DPY19L2: variants seen among roughly 807,000 people sequenced by gnomAD.
DPY19L2 encodes the protein probable C-mannosyltransferase DPY19L2.
A neutral mutation model predicts 97.9 loss-of-function variants in DPY19L2; 34 were observed. That is an observed-to-expected ratio of 0.35 (90% confidence interval 0.26 to 0.46). The LOEUF (loss-of-function observed/expected upper bound fraction) is 0.46. DPY19L2 is among the 20% of genes least tolerant of loss of function. The pLI is 1.00. For missense variants in DPY19L2, 623 were observed against 911.4 expected (o/e 0.68, Z 4.07); for synonymous variants, 230 against 307.9 (o/e 0.75, Z 2.65).
At chr12:63,581,300 C>T (rs913531888) in intron 18 of DPY19L2, among the ~76,000 whole-genome samples, 1 of 151,928 alleles carries the variant, frequency 6.6e-6, no homozygotes, top group African/African-American at 2.4e-5. Flanking sequence ...TGTAGAAGTA[C>T]CTTAGGCCCA....
intron 13 of DPY19L2, 60 bp downstream of exon 13, chr12:63,600,246 A>C (rs1052939160): frequency 7.1e-7 from 1 of 1,404,732 alleles, no homozygotes. Context: ...GATGGTTTCA[A>C]AGTTTTCATT....
intron 15 of DPY19L2, among the ~76,000 whole-genome samples, chr12:63,594,485 G>GTGTGTGTGTGTGTGTC (rs1883784455): frequency 1.4e-5 from 2 of 147,028 alleles, no homozygotes; most frequent in Admixed American, 1.3e-4. Flanking sequence ...GTGTGTGTGT[G>GTGTGTGTGTGTGTGTC]TGTGTGTATG....
At chr12:63,627,810 A>G in intron 6 of DPY19L2, among the ~76,000 whole-genome samples, 1 of 152,272 alleles carries the variant, frequency 6.6e-6, no homozygotes, top group African/African-American at 2.4e-5. Context: ...GGACAGGGAC[A>G]GGTTCTTTAT....
At chr12:63,589,356 G>GAAAAAAAAAAAAAAAAAAAAAA (rs1882429606) in intron 16 of DPY19L2, among the ~76,000 whole-genome samples, 1 of 6,234 alleles carries the variant, frequency 1.6e-4, no homozygotes, top group Non-Finnish European at 3.2e-4. Context: ...AAAATGTGTT[G>GAAAAAAAAAAAAAAAAAAAAAA]CAAAAAAAAA....
intron 16 of DPY19L2, among the ~76,000 whole-genome samples, chr12:63,592,226 T>C (rs935424321): frequency 6.6e-6 from 1 of 151,682 alleles, no homozygotes; most frequent in East Asian, 1.9e-4. Context: ...GGGTAATTTA[T>C]AGATTCAATG....
In DPY19L2 at chr12:63,597,791, A is replaced by G. The variant is rs765003615; in HGVS notation, c.1461+18T>C. On this transcript the variant is annotated intron_variant, in intron 14 of 21. Transcript: ENST00000324472. The stretch of plus-strand genomic sequence containing the variant: ...AAAAACTCATATTAGTAGAGAAGGA[A>G]AAAAGAAACATTCATACCGCTTTTT... 6.3e-7 allele frequency: 1 copy of G among 1,595,508 alleles called. No individual in the cohort carries two copies. Among genetic ancestry groups the G allele is most frequent in the Non-Finnish European group, 8.6e-7 (1 of 1,169,058 alleles).
chr12:63,610,054 A>G (rs1402533401), intron 11 of DPY19L2, among the ~76,000 whole-genome samples: 1 of 151,940 alleles, frequency 6.6e-6, no homozygotes, highest in African/African-American at 2.4e-5. Context: ...AGAATGAGGA[A>G]AATCTCTATG....
intron 4 of DPY19L2, among the ~76,000 whole-genome samples, chr12:63,656,873 G>T (rs1324803598): frequency 6.9e-6 from 1 of 145,676 alleles, no homozygotes; most frequent in Admixed American, 6.9e-5. Context: ...ATTTCCCTTT[G>T]ATTCTTATAG....
chr12:63,571,845 T>A (rs1404309147), intron 19 of DPY19L2, among the ~76,000 whole-genome samples: 2 of 152,116 alleles, frequency 1.3e-5, no homozygotes, highest in African/African-American at 4.8e-5. Context: ...TACTTTTGTA[T>A]AAAAAACAAT....
intron 4 of DPY19L2, among the ~76,000 whole-genome samples, chr12:63,657,673 G>A (rs1895147184): frequency 1.3e-5 from 2 of 152,086 alleles, no homozygotes; most frequent in African/African-American, 2.4e-5. Context: ...TTTTCCTTAG[G>A]AGAGATTTCA....
intron 16 of DPY19L2, among the ~76,000 whole-genome samples, chr12:63,592,049 G>A (rs1429102796): frequency 1.9e-5 from 1 of 51,790 alleles, no homozygotes; most frequent in Non-Finnish European, 3.7e-5. Context: ...GGGAGGGAAC[G>A]GAAGGGAAGG....
chr12:63,605,703 C>T (rs1242542258), intron 12 of DPY19L2, among the ~76,000 whole-genome samples: 2 of 152,092 alleles, frequency 1.3e-5, no homozygotes, highest in Non-Finnish European at 2.9e-5. Context: ...TCAAGAAAAG[C>T]CTGGAGCATT....
chr12:63,559,980 G>C lies in DPY19L2; in HGVS notation c.*532C>G, dbSNP rs1348363856. 3 of 152,254 alleles carry C rather than the reference G, an allele frequency of 2.0e-5. No homozygotes were observed. The highest frequency in any genetic ancestry group is 4.4e-5 in the Non-Finnish European group (3 of 68,128). 9.4% of individuals were successfully genotyped at this position (152,254 alleles called of 1,614,324 possible). A position where few individuals can be genotyped will look rare whatever the true frequency, so the allele number is the denominator to read the frequency against. ...TAAAAAAAAGTATTAAAAGGTATTA[G>C]AGATCTTTCTTAAGGGCTGGTAAAA... is the stretch of plus-strand genomic sequence containing the variant. On this transcript the variant is annotated 3_prime_UTR_variant, in exon 22 of 22. Coordinates refer to ENST00000324472, the MANE Select transcript of DPY19L2 (RefSeq NM_173812.5).
At position 63,583,156 on chromosome 12, in the gene DPY19L2, C is replaced by T. The variant is rs1185751210; in HGVS notation, c.1606-631G>A. On this transcript the variant is annotated intron_variant, in intron 17 of 21. Transcript: ENST00000324472. ...TCTGAAATCTGAAAAGCCTCTAGTCCTAAGCATTTTGGATAAGGGATACTC... is the reference window on the plus strand; with the variant it reads ...TCTGAAATCTGAAAAGCCTCTAGTCTTAAGCATTTTGGATAAGGGATACTC... 9.2e-5 allele frequency among the ~76,000 whole-genome samples: 14 copies of T among 152,102 alleles called. No individual in the cohort carries two copies. The East Asian group carries it at 9.6e-4, about 10-fold the overall frequency.
intron 12 of DPY19L2, among the ~76,000 whole-genome samples, chr12:63,601,010 C>A (rs1209958686): frequency 6.6e-6 from 1 of 152,130 alleles, no homozygotes; most frequent in Non-Finnish European, 1.5e-5. Context: ...TGGTCTTGAT[C>A]TCCTGACCTC....
chr12:63,592,102 G>GAGAAAAA (rs1883188008), intron 16 of DPY19L2, among the ~76,000 whole-genome samples: 1 of 136,564 alleles, frequency 7.3e-6, no homozygotes, highest in Admixed American at 7.7e-5. Flanking sequence ...AAAGAGAAAA[G>GAGAAAAA]AAAAGAGAAG....
chr12:63,566,085 C>CT (rs1462371779), intron 21 of DPY19L2, among the ~76,000 whole-genome samples: 1 of 151,964 alleles, frequency 6.6e-6, no homozygotes, highest in Non-Finnish European at 1.5e-5. Flanking sequence ...TAAAATGCAC[C>CT]TCTTGCAGGC....
intron 6 of DPY19L2, among the ~76,000 whole-genome samples, chr12:63,640,950 T>A (rs535476855): frequency 1.4e-4 from 21 of 152,336 alleles, no homozygotes; most frequent in Admixed American, 5.2e-4. Flanking sequence ...TGGAGTGCAG[T>A]GGCGCAATGT....
At chr12:63,585,324 G>C (rs1881603644) in intron 16 of DPY19L2, among the ~76,000 whole-genome samples, 1 of 152,086 alleles carries the variant, frequency 6.6e-6, no homozygotes, top group Admixed American at 6.5e-5. Flanking sequence ...TAAGTTCAGG[G>C]GTACAGAGAC....
Sources: gnomAD v4.1 joint callset for allele counts (sites outside exome capture counted in the v4.1 genomes callset) on GRCh38, gnomAD v4.1.1 for gene constraint, MANE v1.5 for transcripts, NCBI Gene and HGNC (gene_info 2026-07-23, HGNC 2026-07-21) for gene names.